The following RBM27 variants were observed in gnomAD, a reference collection of about 807,000 sequenced individuals.
RBM27 encodes RNA-binding protein 27.
Under a neutral mutation model 135.3 loss-of-function variants are expected in RBM27, and 22 were observed. That is an observed-to-expected ratio of 0.16 (90% confidence interval 0.12 to 0.23). The LOEUF (loss-of-function observed/expected upper bound fraction) is 0.23, where lower values mean the gene tolerates loss of function less well. RBM27 is among the 10% of genes least tolerant of loss of function. RBM27 has a pLI of 1.00. For missense variants in RBM27, 1,009 were observed against 1,281.0 expected, an observed-to-expected ratio of 0.79 and a Z score of 3.24; for synonymous variants, 481 against 442.4, an observed-to-expected ratio of 1.09 and a Z score of -1.10.
chr5:146,274,069 C>T (rs994531267), intron 19 of RBM27, among the ~76,000 whole-genome samples: 1 of 152,142 alleles, frequency 6.6e-6, no homozygotes, highest in Non-Finnish European at 1.5e-5. Context: ...ATTGCAACCT[C>T]CACCTCCTGG....
chr5:146,207,870 G>T (rs912893779), intron 1 of RBM27, among the ~76,000 whole-genome samples: 5 of 148,836 alleles, frequency 3.4e-5, no homozygotes, highest in Non-Finnish European at 5.9e-5. Context: ...GGTCAGGCTG[G>T]TCTTGAACTC....
intron 1 of RBM27, among the ~76,000 whole-genome samples, chr5:146,209,802 A>T (rs1039156080): frequency 2.0e-5 from 3 of 152,192 alleles, no homozygotes; most frequent in Admixed American, 1.3e-4. Context: ...GTGCTGTGGG[A>T]CTTAAGGATA....
chr5:146,266,611 A>G (rs982035063), intron 14 of RBM27, among the ~76,000 whole-genome samples: 1 of 152,168 alleles, frequency 6.6e-6, no homozygotes, highest in African/African-American at 2.4e-5. Context: ...ATTATTTTCT[A>G]TATCTCTTAT....
intron 8 of RBM27, among the ~76,000 whole-genome samples, chr5:146,247,755 C>T: frequency 6.6e-6 from 1 of 152,124 alleles, no homozygotes; most frequent in East Asian, 1.9e-4. Flanking sequence ...GTACTTCCTA[C>T]ACAGTACATT....
chr5:146,261,277 G>A, intron 12 of RBM27: 1 of 586,214 alleles, frequency 1.7e-6, no homozygotes, highest in Non-Finnish European at 3.0e-6. Context: ...GGGGGTCAGG[G>A]CAGATCTCTT....
intron 7 of RBM27, among the ~76,000 whole-genome samples, chr5:146,235,914 C>G (rs567299573): frequency 6.6e-6 from 1 of 152,188 alleles, no homozygotes; most frequent in Admixed American, 6.6e-5. Context: ...TGGTCTTGAA[C>G]TCCTGGGCTC....
At chr5:146,274,325 T>C (rs1758997232) in intron 19 of RBM27, among the ~76,000 whole-genome samples, 1 of 151,952 alleles carries the variant, frequency 6.6e-6, no homozygotes, top group Non-Finnish European at 1.5e-5. Flanking sequence ...GGCATGATCT[T>C]AGCTCACTAC....
chr5:146,260,929 A>G (rs1238864449), intron 12 of RBM27, 31 bp downstream of exon 12: 1 of 1,585,514 alleles, frequency 6.3e-7, no homozygotes, highest in Admixed American at 1.8e-5. Flanking sequence ...GACAGAATCC[A>G]GGCATTTTAT....
At chr5:146,210,226 A>G (rs1755873533) in intron 1 of RBM27, among the ~76,000 whole-genome samples, 1 of 152,218 alleles carries the variant, frequency 6.6e-6, no homozygotes, top group African/African-American at 2.4e-5. Context: ...ACATTCTCAT[A>G]TGTATATACA....
chr5:146,260,624 C>A, intron 11 of RBM27, 121 bp from the exon 12 acceptor site: 1 of 695,154 alleles, frequency 1.4e-6, no homozygotes, highest in South Asian at 2.4e-5. Flanking sequence ...ATAGGTGGAG[C>A]CACCATGCCC....
chr5:146,240,419 C>T (rs748642206), intron 8 of RBM27, among the ~76,000 whole-genome samples: 13 of 152,006 alleles, frequency 8.6e-5, no homozygotes, highest in Non-Finnish European at 1.6e-4. Flanking sequence ...CTCTGCCTCC[C>T]GGGTTCAAGT....
chr5:146,214,420 A>G (rs1041389804), intron 1 of RBM27, among the ~76,000 whole-genome samples: 1 of 152,200 alleles, frequency 6.6e-6, no homozygotes, highest in Non-Finnish European at 1.5e-5. Flanking sequence ...ATGAGAAGAA[A>G]GAAGTGATGA....
chr5:146,205,128 C>G (rs952549331), intron 1 of RBM27, among the ~76,000 whole-genome samples: 1 of 152,224 alleles, frequency 6.6e-6, no homozygotes, highest in Non-Finnish European at 1.5e-5. Flanking sequence ...GAACTCCTGA[C>G]TTCAGGTGAT....
intron 19 of RBM27, among the ~76,000 whole-genome samples, chr5:146,276,828 G>C (rs1759111218): frequency 6.6e-6 from 1 of 152,186 alleles, no homozygotes; most frequent in Non-Finnish European, 1.5e-5. Flanking sequence ...GCTGAGGTGG[G>C]AGGATTGCTT....
At chr5:146,264,082 G>A (rs749593064) in intron 14 of RBM27, among the ~76,000 whole-genome samples, 2 of 151,430 alleles carry the variant, frequency 1.3e-5, no homozygotes, top group Non-Finnish European at 2.9e-5. Flanking sequence ...CTGCAGCCTG[G>A]GTGACAGAGC....
chr5:146,272,388 C>G (rs1300551973), intron 19 of RBM27, among the ~76,000 whole-genome samples: 1 of 152,142 alleles, frequency 6.6e-6, no homozygotes, highest in Non-Finnish European at 1.5e-5. Flanking sequence ...ATTCCTCAAA[C>G]AACTCTTTTG....
In RBM27 at chr5:146,286,086, A is replaced by C. The variant is rs1759569416; in HGVS notation, c.*56A>C. On this transcript the variant is annotated 3_prime_UTR_variant, in exon 21 of 21. Coordinates refer to ENST00000265271, the MANE Select transcript of RBM27 (RefSeq NM_018989.2). ...ATATTGTTTAGAAGAACAACTTTTAAAAATTATTTAAAAGAAGTCAATGAG... is the reference window on the plus strand; with the variant it reads ...ATATTGTTTAGAAGAACAACTTTTACAAATTATTTAAAAGAAGTCAATGAG... 5 of 1,494,286 alleles carry C rather than the reference A, an allele frequency of 3.3e-6. No homozygotes were observed. In the East Asian group the frequency reaches 9.3e-5, roughly 28 times the overall value. 92.6% of individuals were successfully genotyped at this position (1,494,286 alleles called of 1,614,324 possible). A position where few individuals can be genotyped will look rare whatever the true frequency, so the allele number is the denominator to read the frequency against.
intron 19 of RBM27, among the ~76,000 whole-genome samples, chr5:146,272,819 T>C (rs972015684): frequency 6.6e-6 from 1 of 152,194 alleles, no homozygotes; most frequent in African/African-American, 2.4e-5. Flanking sequence ...ATTAACCCTG[T>C]TTCACCCTGA....
intron 15 of RBM27, among the ~76,000 whole-genome samples, chr5:146,268,996 A>C (rs1364991214): frequency 6.6e-6 from 1 of 152,212 alleles, no homozygotes; most frequent in African/African-American, 2.4e-5. Context: ...GATATAGCTA[A>C]TTAGGTCCAA....
Sources: gnomAD v4.1 joint callset for allele counts (sites outside exome capture counted in the v4.1 genomes callset) on GRCh38, gnomAD v4.1.1 for gene constraint, MANE v1.5 for transcripts, NCBI Gene and HGNC (gene_info 2026-07-23, HGNC 2026-07-21) for gene names.